The following SS18 variants were observed in gnomAD, a reference collection of about 807,000 sequenced individuals.
SS18 encodes protein SSXT.
A neutral mutation model predicts 72.5 loss-of-function variants in SS18; 28 were observed. That is an observed-to-expected ratio of 0.39 (90% CI 0.29 to 0.53). The LOEUF (loss-of-function observed/expected upper bound fraction) is 0.53. Ranked by LOEUF, SS18 falls within the 20% of genes least tolerant of loss-of-function variation. The pLI, the probability that SS18 is intolerant of heterozygous loss-of-function variation, is 0.76. For synonymous variants in SS18, 172 were observed against 164.2 expected, an observed-to-expected ratio of 1.05 and a Z score of -0.37; for missense variants, 518 against 535.3, an observed-to-expected ratio of 0.97 and a Z score of 0.32.
chr18:26,063,316 G>A lies in SS18; in HGVS notation c.232-5574C>T, dbSNP rs145103525. On this transcript the variant is annotated intron_variant, in intron 3 of 10. Coordinates refer to ENST00000415083, the MANE Select transcript of SS18 (RefSeq NM_001007559.3). ...GGGTGGATCACGAGGTCAGGAGATC[G>A]AGACCATCCTGGCTAACAAGGTGAA... 1.6e-3 allele frequency among the ~76,000 whole-genome samples: 240 copies of A among 152,212 alleles called. No homozygotes were observed. In the Middle Eastern group the frequency reaches 0.048, roughly 30 times the overall value.
At chr18:26,055,593 A>T (rs2054003566) in intron 4 of SS18, among the ~76,000 whole-genome samples, 1 of 152,196 alleles carries the variant, frequency 6.6e-6, no homozygotes, top group Admixed American at 6.5e-5. Flanking sequence ...ATTAAAAACC[A>T]AACTGAAATA....
chr18:26,051,371 A>C (rs72878228), intron 5 of SS18, among the ~76,000 whole-genome samples: 5 of 152,144 alleles, frequency 3.3e-5, no homozygotes, highest in Non-Finnish European at 7.4e-5. Flanking sequence ...TTTCTCCAAA[A>C]AGTCAATATG....
At chr18:26,055,911 C>T (rs532765477) in intron 4 of SS18, among the ~76,000 whole-genome samples, 38 of 152,090 alleles carry the variant, frequency 2.5e-4, no homozygotes, top group African/African-American at 9.2e-4. Context: ...ACGTGCAATA[C>T]CACGTCCAGC....
Position 26,046,994 on chromosome 18 carries a change from C to G in SS18, c.607+5630G>C, listed in dbSNP as rs115442017. 3.5e-3 allele frequency among the ~76,000 whole-genome samples: 526 copies of G among 152,170 alleles called. 3 individuals are homozygous for G. The highest frequency in any genetic ancestry group is 0.012 in the African/African-American group (503 of 41,514). On this transcript the variant is annotated intron_variant, in intron 5 of 10. Coordinates refer to ENST00000415083, the MANE Select transcript of SS18 (RefSeq NM_001007559.3). ...GGTAACTGAAATTCAAATGGTGGTGCTGGGGGAACAGGTGTTATTTAGCTT... is the reference window on the plus strand; with the variant it reads ...GGTAACTGAAATTCAAATGGTGGTGGTGGGGGAACAGGTGTTATTTAGCTT...
intron 3 of SS18, among the ~76,000 whole-genome samples, chr18:26,062,333 A>C (rs1238588116): frequency 6.6e-6 from 1 of 152,224 alleles, no homozygotes; most frequent in Admixed American, 6.5e-5. Context: ...AAGTGTTAAA[A>C]GTATAAATTT....
chr18:26,042,006 G>C (rs1298423379), intron 5 of SS18, among the ~76,000 whole-genome samples: 1 of 151,170 alleles, frequency 6.6e-6, no homozygotes, highest in Non-Finnish European at 1.5e-5. Flanking sequence ...CACTACTAAA[G>C]CACAATACAT....
chr18:26,054,174 A>G (rs1326067320), intron 4 of SS18, among the ~76,000 whole-genome samples: 2 of 151,742 alleles, frequency 1.3e-5, no homozygotes, highest in Non-Finnish European at 2.9e-5. Context: ...TAATGACAAG[A>G]AAAAAAAAGT....
chr18:26,038,849 T>C (rs951117458), intron 6 of SS18, among the ~76,000 whole-genome samples, 190 bp from the exon 7 acceptor site: 1 of 152,168 alleles, frequency 6.6e-6, no homozygotes. Context: ...ATACCACATT[T>C]ACTAAAATCA....
intron 2 of SS18, among the ~76,000 whole-genome samples, chr18:26,079,473 T>A: frequency 6.6e-6 from 1 of 152,294 alleles, no homozygotes; most frequent in African/African-American, 2.4e-5. Context: ...ATTAAAATAA[T>A]AAAAATAAGT....
chr18:26,023,160 G>A (rs539672475), intron 10 of SS18, among the ~76,000 whole-genome samples: 8 of 152,086 alleles, frequency 5.3e-5, no homozygotes, highest in South Asian at 4.2e-4. Flanking sequence ...AGATTATCAC[G>A]CACACAAAGG....
In SS18 at chr18:26,080,142, GTTAA is replaced by G. The variant is rs367940489; in HGVS notation, c.147-1986_147-1983del. 8.2e-3 allele frequency among the ~76,000 whole-genome samples: 1,251 copies of G among 152,238 alleles called. 15 individuals are homozygous for G. Among genetic ancestry groups the G allele is most frequent in the African/African-American group, 0.029 (1,194 of 41,516 alleles). On this transcript the variant is annotated intron_variant, in intron 2 of 10. Transcript: ENST00000415083. ...ATATTGTACTAAATTATACATAATG[GTTAA>G]TTGTGTTGTTGAAATTCTTCAAGCA...
intron 2 of SS18, chr18:26,080,218 G>T: frequency 2.7e-6 from 1 of 367,214 alleles, no homozygotes; most frequent in Non-Finnish European, 3.8e-6. Flanking sequence ...ATTCTGTAGA[G>T]ATCTAGGAAG....
chr18:26,083,262 T>C (rs2054560236), intron 2 of SS18, among the ~76,000 whole-genome samples: 2 of 152,042 alleles, frequency 1.3e-5, no homozygotes, highest in South Asian at 4.1e-4. Flanking sequence ...AATGATCATA[T>C]ATATATATCT....
Position 26,078,119 on chromosome 18 carries a change from G to A in SS18, c.188C>T (p.Thr63Ile). Residue 63 changes from threonine to isoleucine, a missense_variant, in exon 3 of 11, where the codon ACA becomes ATA. By Grantham distance (89) the Thr-to-Ile change is moderately conservative (BLOSUM62 -1). Transcript: ENST00000415083. The stretch of plus-strand genomic sequence containing the variant: ...CATATTTTGATTAGAATCTGCTATT[G>A]TAGCAAGGTATACCAAGTTTGTGTG... The part of the protein sequence containing the change: ...MLHTNLVYLA[T>I]IADSNQNMQS... The A allele has an allele frequency of 6.2e-7, 1 of 1,612,762 alleles. No individual in the cohort carries two copies. Among genetic ancestry groups the A allele is most frequent in the Non-Finnish European group, 8.5e-7 (1 of 1,179,450 alleles).
intron 10 of SS18, among the ~76,000 whole-genome samples, chr18:26,019,789 CAAAAAAAAAAA>C (rs869179852): frequency 1.7e-3 from 108 of 62,578 alleles, no homozygotes; most frequent in African/African-American, 5.4e-3. Flanking sequence ...AACTCTGTCT[CAAAAAAAAAAA>C]AAAAAAAAAA....
intron 6 of SS18, 70 bp from the exon 7 acceptor site, chr18:26,038,729 T>A: frequency 2.2e-6 from 3 of 1,335,470 alleles, no homozygotes; most frequent in Non-Finnish European, 3.2e-6. Context: ...TCTTTCTAAT[T>A]TGATATTATG....
intron 2 of SS18, chr18:26,081,088 CAAAAAAAAAAAAAAA>C (rs58751181): frequency 7.9e-5 from 5 of 63,426 alleles, no homozygotes; most frequent in Admixed American, 1.6e-4. Context: ...GACTCCGTCT[CAAAAAAAAAAAAAAA>C]AAAAAAAAAA....
chr18:26,080,949 ATTTAAT>A (rs973051080), intron 2 of SS18, among the ~76,000 whole-genome samples: 9 of 152,142 alleles, frequency 5.9e-5, no homozygotes. Context: ...TATCATTACT[ATTTAAT>A]CCACAGAACT....
At chr18:26,059,561 C>T (rs192700571) in intron 3 of SS18, among the ~76,000 whole-genome samples, 6 of 152,256 alleles carry the variant, frequency 3.9e-5, no homozygotes, top group Admixed American at 3.3e-4. Flanking sequence ...GTAGGCCCCA[C>T]CAAGTTAGAG....
Sources: gnomAD v4.1 joint callset for allele counts (sites outside exome capture counted in the v4.1 genomes callset) on GRCh38, gnomAD v4.1.1 for gene constraint, MANE v1.5 for transcripts, NCBI Gene and HGNC (gene_info 2026-07-23, HGNC 2026-07-21) for gene names.